PRIM2: variants seen among roughly 807,000 people sequenced by gnomAD.
PRIM2 encodes DNA primase large subunit.
PRIM2 carries 39 observed loss-of-function variants against 67.3 expected under a neutral mutation model. The observed-to-expected ratio is 0.58, with a 90% CI of 0.45 to 0.76. The LOEUF is 0.76. PRIM2 is among the 30% of genes least tolerant of loss of function. PRIM2 has a pLI of 0.00. For missense variants in PRIM2, 398 were observed against 598.7 expected (o/e 0.66, Z 3.50); for synonymous variants, 143 against 198.7 (o/e 0.72, Z 2.36).
intron 8 of PRIM2, among the ~76,000 whole-genome samples, chr6:57,523,191 C>T (rs1774663078): frequency 6.6e-6 from 1 of 152,216 alleles, no homozygotes; most frequent in African/African-American, 2.4e-5. Flanking sequence ...AACACTCAGA[C>T]ATTTCATTTG....
At chr6:57,628,330 T>C (rs1309851706) in intron 12 of PRIM2, among the ~76,000 whole-genome samples, 16 of 152,274 alleles carry the variant, frequency 1.1e-4, no homozygotes, top group African/African-American at 3.4e-4. Flanking sequence ...TGGCCTGCCA[T>C]CTTGGGAAGC....
intron 10 of PRIM2, among the ~76,000 whole-genome samples, chr6:57,589,618 C>T (rs1776252677): frequency 2.6e-5 from 4 of 152,164 alleles, no homozygotes; most frequent in Non-Finnish European, 5.9e-5. Flanking sequence ...GTGAAATAAG[C>T]AGACCGCTGT....
chr6:57,357,931 C>A (rs57971205), intron 5 of PRIM2, among the ~76,000 whole-genome samples: 12 of 152,214 alleles, frequency 7.9e-5, no homozygotes, highest in African/African-American at 2.4e-4. Context: ...GGTTATCACC[C>A]GCCTGTCTTG....
At chr6:57,539,699 A>G (rs1775102393) in intron 10 of PRIM2, among the ~76,000 whole-genome samples, 1 of 150,908 alleles carries the variant, frequency 6.6e-6, no homozygotes, top group Non-Finnish European at 1.5e-5. Flanking sequence ...TAAAATTATA[A>G]GAAACTACAC....
rs796452431 is a variant in PRIM2, at chr6:57,399,204, C to T, written c.693+17036C>T. Among the ~76,000 whole-genome samples the T allele has an allele frequency of 5.9e-5, 9 of 152,226 alleles. 1 individual carries two copies. The highest frequency in any genetic ancestry group is 9.6e-5 in the African/African-American group (4 of 41,528). On this transcript the variant is annotated intron_variant, in intron 7 of 13. Transcript: ENST00000615550. ...ATCCCTCCTCCATCCCCTGACCCCA[C>T]GACAGGCCCTGGTGTGTGATATTCC...
Position 57,330,357 on chromosome 6 carries a change from TTTTG to T in PRIM2, c.459+4316_459+4319del, listed in dbSNP as rs1381282940. On this transcript the variant is annotated intron_variant, in intron 5 of 13. Transcript: ENST00000615550. ...CAACCTTGCTGAACTTGTTTTTTTT[TTTTG>T]TTTTTGTTTTTTTGTTTTTTTGTTT... Among the ~76,000 whole-genome samples the T allele has an allele frequency of 1.1e-4, 13 of 118,068 alleles. 1 individual carries two copies. Among genetic ancestry groups the T allele is most frequent in the African/African-American group, 2.6e-4 (7 of 27,086 alleles). 77.5% of individuals were successfully genotyped at this position (118,068 alleles called of 152,430 possible).
chr6:57,275,759 G>C, the PRIM2 span, among the ~76,000 whole-genome samples: 5 of 152,172 alleles, frequency 3.3e-5, no homozygotes, highest in Non-Finnish European at 5.9e-5. Flanking sequence ...TGGCTGGAGA[G>C]TGCTGGCTCT....
intron 7 of PRIM2, among the ~76,000 whole-genome samples, chr6:57,478,712 G>A (rs1352056440): frequency 1.3e-4 from 20 of 152,028 alleles, no homozygotes; most frequent in Non-Finnish European, 2.8e-4. Context: ...ACCTGCCAGC[G>A]TACTGTGTTC....
intron 10 of PRIM2, among the ~76,000 whole-genome samples, chr6:57,557,669 A>G (rs1476850518): frequency 6.6e-6 from 1 of 151,788 alleles, no homozygotes; most frequent in African/African-American, 2.4e-5. Context: ...ACTATTGGGT[A>G]CTAAGCTTAG....
chr6:57,629,986 T>G (rs1411162997), intron 12 of PRIM2, among the ~76,000 whole-genome samples: 8 of 149,460 alleles, frequency 5.4e-5, no homozygotes, highest in African/African-American at 1.5e-4. Context: ...TATTAATTTG[T>G]ATGTGATTTT....
the PRIM2 span, among the ~76,000 whole-genome samples, chr6:57,256,022 C>A: frequency 2.8e-5 from 3 of 105,584 alleles, no homozygotes; most frequent in African/African-American, 2.1e-4. Flanking sequence ...CACACACACA[C>A]ATACACACAC....
At chr6:57,490,226 A>C (rs1773857848) in intron 7 of PRIM2, among the ~76,000 whole-genome samples, 1 of 152,200 alleles carries the variant, frequency 6.6e-6, no homozygotes, top group Non-Finnish European at 1.5e-5. Flanking sequence ...TACCCTTTAA[A>C]GGATTTACAT....
At chr6:57,243,727 G>C in the PRIM2 span, among the ~76,000 whole-genome samples, 1 of 152,086 alleles carries the variant, frequency 6.6e-6, no homozygotes, top group African/African-American at 2.4e-5. Flanking sequence ...ATCCCGCCTC[G>C]GCCTCCCGAA....
chr6:57,229,251 A>G, the PRIM2 span, among the ~76,000 whole-genome samples: 451 of 152,188 alleles, frequency 3.0e-3, 4 homozygotes, highest in African/African-American at 0.01. Context: ...TATAATTTTC[A>G]TATCATTATC....
rs1199702010 is a variant in PRIM2, at chr6:57,470,860, G to A, written c.694-36527G>A. The stretch of plus-strand genomic sequence containing the variant: ...CTTCTCAGCGTTTGGCACTTTAGTT[G>A]TCCCTCCCTGCCAACTACCCTCTCT... On this transcript the variant is annotated intron_variant, in intron 7 of 13. Coordinates refer to ENST00000615550, the MANE Select transcript of PRIM2 (RefSeq NM_000947.5). Among the ~76,000 whole-genome samples, 4 of 152,078 alleles carry A rather than the reference G, an allele frequency of 2.6e-5. No homozygotes were observed. In the South Asian group the frequency reaches 8.3e-4, roughly 31 times the overall value.
At chr6:57,498,820 T>G in intron 7 of PRIM2, among the ~76,000 whole-genome samples, 1 of 152,340 alleles carries the variant, frequency 6.6e-6, no homozygotes, top group East Asian at 1.9e-4. Context: ...TTGGGCCACC[T>G]TTGCTTTTAA....
intron 12 of PRIM2, among the ~76,000 whole-genome samples, chr6:57,616,570 G>A (rs1324641793): frequency 2.0e-5 from 3 of 152,180 alleles, no homozygotes; most frequent in African/African-American, 4.8e-5. Context: ...ACTGACAAAT[G>A]TGAAATAAAG....
intron 7 of PRIM2, among the ~76,000 whole-genome samples, chr6:57,408,149 G>A (rs1770962937): frequency 6.6e-6 from 1 of 152,248 alleles, no homozygotes; most frequent in Non-Finnish European, 1.5e-5. Flanking sequence ...TGGCTTCGAT[G>A]AGTGGAAGAA....
chr6:57,497,523 C>T (rs1774031046), intron 7 of PRIM2: 1 of 152,154 alleles, frequency 6.6e-6, no homozygotes, highest in Non-Finnish European at 1.5e-5. Context: ...TTCCTTGGTT[C>T]TTCATATCAT....
Sources: gnomAD v4.1 joint callset for allele counts (sites outside exome capture counted in the v4.1 genomes callset) on GRCh38, gnomAD v4.1.1 for gene constraint, MANE v1.5 for transcripts, NCBI Gene and HGNC (gene_info 2026-07-23, HGNC 2026-07-21) for gene names.